METTL24: variants seen among roughly 807,000 people sequenced by gnomAD.
METTL24 encodes the protein methyltransferase like 24.
Under a neutral mutation model 32.7 loss-of-function variants are expected in METTL24, and 29 were observed. The ratio of observed to expected loss-of-function variants is 0.89; its 90% CI spans 0.66 to 1.21. The LOEUF is 1.21. Among genes scored for constraint, METTL24 ranks in the 50% most tolerant of loss-of-function variants. The pLI is 0.00. For synonymous variants in METTL24, 163 were observed against 179.5 expected, an observed-to-expected ratio of 0.91 and a Z score of 0.73; for missense variants, 439 against 468.1, an observed-to-expected ratio of 0.94 and a Z score of 0.57.
chr6:110,300,789 T>C (rs1582410572), intron 3 of METTL24, among the ~76,000 whole-genome samples: 2 of 151,804 alleles, frequency 1.3e-5, no homozygotes, highest in Non-Finnish European at 2.9e-5. Context: ...CAACCGCAGA[T>C]TGAAAATATT....
At chr6:110,252,964 A>G (rs1778309892) in intron 4 of METTL24, among the ~76,000 whole-genome samples, 1 of 152,170 alleles carries the variant, frequency 6.6e-6, no homozygotes, top group Non-Finnish European at 1.5e-5. Context: ...ACTAGGCCCC[A>G]CAAATTATGT....
chr6:110,276,550 C>T (rs1324205173), intron 4 of METTL24, among the ~76,000 whole-genome samples: 1 of 152,188 alleles, frequency 6.6e-6, no homozygotes, highest in Non-Finnish European at 1.5e-5. Flanking sequence ...AGCTCAATAG[C>T]TCAAATGAAT....
At chr6:110,332,780 A>G (rs1772131102) in intron 1 of METTL24, among the ~76,000 whole-genome samples, 1 of 151,558 alleles carries the variant, frequency 6.6e-6, no homozygotes, top group Non-Finnish European at 1.5e-5. Context: ...GTGGTGGTAC[A>G]CTCCTGTAGT....
At chr6:110,323,086 G>A (rs1207778572) in intron 1 of METTL24, among the ~76,000 whole-genome samples, 1 of 152,198 alleles carries the variant, frequency 6.6e-6, no homozygotes, top group Non-Finnish European at 1.5e-5. Flanking sequence ...ACAACTCCCA[G>A]GTTGGGGAAT....
At chr6:110,328,230 C>A (rs796750310) in intron 1 of METTL24, among the ~76,000 whole-genome samples, 1 of 151,434 alleles carries the variant, frequency 6.6e-6, no homozygotes, top group Non-Finnish European at 1.5e-5. Flanking sequence ...TCAGGGCAGG[C>A]GTGGTCCTGA....
intron 4 of METTL24, among the ~76,000 whole-genome samples, chr6:110,265,281 C>G (rs1770835846): frequency 1.3e-5 from 2 of 152,286 alleles, no homozygotes; most frequent in African/African-American, 2.4e-5. Flanking sequence ...AAATTAACTT[C>G]TGATCAATAC....
At chr6:110,273,032 C>A (rs768861106) in intron 4 of METTL24, among the ~76,000 whole-genome samples, 20 of 152,060 alleles carry the variant, frequency 1.3e-4, no homozygotes, top group Non-Finnish European at 2.5e-4. Flanking sequence ...GTCATGAATT[C>A]TTTGCCTAAG....
At chr6:110,353,280 A>G (rs1194270889) in intron 1 of METTL24, among the ~76,000 whole-genome samples, 1 of 152,208 alleles carries the variant, frequency 6.6e-6, no homozygotes, top group Non-Finnish European at 1.5e-5. Context: ...TCCCTGAAGA[A>G]CAGAAGTGTA....
At chr6:110,251,427 A>G (rs1251223459) in intron 4 of METTL24, among the ~76,000 whole-genome samples, 1 of 152,210 alleles carries the variant, frequency 6.6e-6, no homozygotes, top group Non-Finnish European at 1.5e-5. Flanking sequence ...GACAGTTGAC[A>G]TAGAACCTGG....
At chr6:110,247,713 C>A (rs555435347) in intron 4 of METTL24, among the ~76,000 whole-genome samples, 2 of 152,234 alleles carry the variant, frequency 1.3e-5, no homozygotes, top group South Asian at 4.1e-4. Context: ...AATATCCTGC[C>A]CCATGAAAGT....
chr6:110,291,582 G>A lies in METTL24; in HGVS notation c.786+7340C>T, dbSNP rs77809281. ...TTTCCTTTTAGGAGTACATGTGCAGGTTTGTTATATAGATAAACCTGTACC... is the reference window on the plus strand; with the variant it reads ...TTTCCTTTTAGGAGTACATGTGCAGATTTGTTATATAGATAAACCTGTACC... On this transcript the variant is annotated intron_variant, in intron 4 of 4. Transcript: ENST00000338882. 5.5e-3 allele frequency among the ~76,000 whole-genome samples: 843 copies of A among 152,014 alleles called. 19 individuals are homozygous for A. The highest frequency in any genetic ancestry group is 0.053 in the East Asian group (274 of 5,170).
chr6:110,302,535 A>G (rs1176494724), intron 3 of METTL24, among the ~76,000 whole-genome samples: 1 of 122,652 alleles, frequency 8.2e-6, no homozygotes, highest in Middle Eastern at 4.2e-3. Flanking sequence ...GTATATATAC[A>G]CATATACACA....
At chr6:110,351,940 A>T (rs1019577374) in intron 1 of METTL24, among the ~76,000 whole-genome samples, 4 of 152,260 alleles carry the variant, frequency 2.6e-5, no homozygotes, top group African/African-American at 9.6e-5. Context: ...TTTCCCAATA[A>T]ATTTAATTCT....
intron 1 of METTL24, among the ~76,000 whole-genome samples, chr6:110,355,395 T>C (rs941709065): frequency 6.6e-6 from 1 of 152,166 alleles, no homozygotes; most frequent in African/African-American, 2.4e-5. Flanking sequence ...ACCTGGGGCC[T>C]ACTGTAGAAA....
chr6:110,357,957 T>G lies in METTL24; in HGVS notation c.316A>C (p.Lys106Gln). Reference protein sequence around the residue: ...CCAPRGRPRRKGPRWHIDLQP... With the variant: ...CCAPRGRPRRQGPRWHIDLQP... ...AGACCGACCGCTTTGCAACTGACCTTCCGGCGGGGGCGCCCGCGCGGGGCA... is the reference window on the plus strand; with the variant it reads ...AGACCGACCGCTTTGCAACTGACCTGCCGGCGGGGGCGCCCGCGCGGGGCA... Residue 106 changes from lysine (K) to glutamine (Q), a missense_variant and splice_region_variant, in exon 1 of 5, where the codon AAG (lysine) becomes CAG (glutamine). By Grantham distance (53) the Lys-to-Gln change is moderately conservative (BLOSUM62 1). Transcript: ENST00000338882. 1 of 1,193,782 alleles carries G rather than the reference T, an allele frequency of 8.4e-7. No individual in the cohort carries two copies. The highest frequency in any genetic ancestry group is 1.6e-5 in the African/African-American group (1 of 63,056). 73.9% of individuals were successfully genotyped at this position (1,193,782 alleles called of 1,614,324 possible).
At chr6:110,301,253 C>G (rs1710104596) in intron 3 of METTL24, among the ~76,000 whole-genome samples, 1 of 152,134 alleles carries the variant, frequency 6.6e-6, no homozygotes, top group South Asian at 2.1e-4. Context: ...TATTTTCTAC[C>G]ACCTACTGAA....
intron 3 of METTL24, among the ~76,000 whole-genome samples, chr6:110,304,456 A>G (rs1435998283): frequency 1.3e-5 from 2 of 152,224 alleles, no homozygotes; most frequent in East Asian, 3.9e-4. Flanking sequence ...TAAAATAACT[A>G]GTTTAGAGAA....
chr6:110,320,635 G>A (rs1435842865), intron 2 of METTL24, among the ~76,000 whole-genome samples: 1 of 152,052 alleles, frequency 6.6e-6, no homozygotes, highest in Non-Finnish European at 1.5e-5. Flanking sequence ...CTCTATTATC[G>A]CTCATCAAGC....
At chr6:110,266,076 C>G (rs116205354) in intron 4 of METTL24, among the ~76,000 whole-genome samples, 2,747 of 151,880 alleles carry the variant, frequency 0.018, 39 homozygotes, top group African/African-American at 0.038. Flanking sequence ...CTTTTTAAAA[C>G]AATTTTTTTG....
Sources: gnomAD v4.1 joint callset for allele counts (sites outside exome capture counted in the v4.1 genomes callset) on GRCh38, gnomAD v4.1.1 for gene constraint, MANE v1.5 for transcripts, NCBI Gene and HGNC (gene_info 2026-07-23, HGNC 2026-07-21) for gene names.